The following ALX4 variants were observed in gnomAD, a reference collection of about 807,000 sequenced individuals.
The protein encoded by ALX4 is ALX homeobox 4.
Under a neutral mutation model 40.6 loss-of-function variants are expected in ALX4, and 22 were observed. That is an observed-to-expected ratio of 0.54 (90% CI 0.39 to 0.77). The LOEUF (loss-of-function observed/expected upper bound fraction) is 0.77, where lower values mean the gene tolerates loss of function less well. Ranked by LOEUF, ALX4 falls within the 30% of genes least tolerant of loss-of-function variation. The pLI, the probability that ALX4 is intolerant of heterozygous loss-of-function variation, is 0.00. For synonymous variants in ALX4, 266 were observed against 240.5 expected, an observed-to-expected ratio of 1.11 and a Z score of -0.98; for missense variants, 556 against 564.8, an observed-to-expected ratio of 0.98 and a Z score of 0.16.
In ALX4 at chr11:44,272,776, T is replaced by A. The variant is rs377652558; in HGVS notation, c.777+2572A>T. 5.2e-3 allele frequency among the ~76,000 whole-genome samples: 798 copies of A among 152,048 alleles called. 18 individuals carry two copies. In the South Asian group the frequency reaches 0.089, roughly 17 times the overall value. ...GTGAGCCAAGATCACACCACTGCAC[T>A]CCAACCTGGGTGACACAGTGAGATC... On this transcript the variant is annotated intron_variant, in intron 2 of 3. Coordinates refer to ENST00000652299, the MANE Select transcript of ALX4 (RefSeq NM_021926.4).
At chr11:44,295,493 T>G (rs1261738607) in intron 1 of ALX4, among the ~76,000 whole-genome samples, 2 of 152,234 alleles carry the variant, frequency 1.3e-5, no homozygotes, top group African/African-American at 4.8e-5. Context: ...GGGAAGTTCC[T>G]AGGAAGGGGA....
At chr11:44,291,060 G>A (rs1395675330) in intron 1 of ALX4, among the ~76,000 whole-genome samples, 4 of 152,118 alleles carry the variant, frequency 2.6e-5, no homozygotes, top group South Asian at 2.1e-4. Context: ...TTTCCCGAGC[G>A]GCAGCTCCCA....
At chr11:44,275,263 G>A in intron 2 of ALX4, 85 bp downstream of exon 2, 1 of 1,372,320 alleles carries the variant, frequency 7.3e-7, no homozygotes. Context: ...GTGGTTGGTG[G>A]GCAGTCAGGA....
chr11:44,276,670 G>A lies in ALX4; in HGVS notation c.467-1012C>T, dbSNP rs977523885. Among the ~76,000 whole-genome samples, 11 of 152,174 alleles carry A rather than the reference G, an allele frequency of 7.2e-5. No homozygotes were observed. In the East Asian group the frequency reaches 1.3e-3, roughly 19 times the overall value. On this transcript the variant is annotated intron_variant, in intron 1 of 3. Transcript: ENST00000652299. ...ACAGTCCCTACCTTTTTGGCACCAG[G>A]GACTGGTTTTGTGGAAGATAATTTT...
chr11:44,302,819 C>T (rs1253968660), intron 1 of ALX4, among the ~76,000 whole-genome samples: 2 of 152,160 alleles, frequency 1.3e-5, no homozygotes, highest in Non-Finnish European at 2.9e-5. Flanking sequence ...CCCACCTTAC[C>T]CCAGTTTCTC....
intron 1 of ALX4, among the ~76,000 whole-genome samples, chr11:44,308,709 G>A (rs1210674018): frequency 6.6e-6 from 1 of 152,240 alleles, no homozygotes; most frequent in African/African-American, 2.4e-5. Context: ...GCAGCTTGGA[G>A]GTCATTTAGG....
intron 2 of ALX4, among the ~76,000 whole-genome samples, chr11:44,268,654 G>A (rs1008317376): frequency 1.3e-5 from 2 of 152,206 alleles, no homozygotes; most frequent in Non-Finnish European, 2.9e-5. Flanking sequence ...TCAAGAGCAA[G>A]AGCTGCCCTA....
At chr11:44,286,675 A>G (rs907882635) in intron 1 of ALX4, among the ~76,000 whole-genome samples, 5 of 152,168 alleles carry the variant, frequency 3.3e-5, no homozygotes, top group African/African-American at 9.7e-5. Context: ...AGGGACAAAG[A>G]GATGGATGGG....
At chr11:44,285,889 T>C (rs1956335943) in intron 1 of ALX4, among the ~76,000 whole-genome samples, 1 of 152,018 alleles carries the variant, frequency 6.6e-6, no homozygotes, top group East Asian at 1.9e-4. Context: ...CTGGTCAGAG[T>C]GGGCCTCCCA....
intron 1 of ALX4, among the ~76,000 whole-genome samples, chr11:44,285,494 A>G (rs980432899): frequency 6.6e-6 from 1 of 152,226 alleles, no homozygotes. Context: ...AGCTCCAAGA[A>G]CTAGAAATAT....
chr11:44,276,886 T>C (rs544217266), intron 1 of ALX4, among the ~76,000 whole-genome samples: 71 of 152,260 alleles, frequency 4.7e-4, no homozygotes, highest in African/African-American at 1.6e-3. Flanking sequence ...GAACTTGCAG[T>C]AATGCTTGCT....
In ALX4 at chr11:44,262,362, C is replaced by G. The variant is rs1020935452; in HGVS notation, c.*2492G>C. Reference sequence around the variant, plus strand: ...GCCTGGGGTACGTGGCTGCCTTTGACGAGATGAACAGGAATGTTTCACATT... The same window carrying G: ...GCCTGGGGTACGTGGCTGCCTTTGAGGAGATGAACAGGAATGTTTCACATT... On this transcript the variant is annotated 3_prime_UTR_variant, in exon 4 of 4. Transcript: ENST00000652299. The G allele has an allele frequency of 2.6e-5, 4 of 152,298 alleles. No individual in the cohort carries two copies. The highest frequency in any genetic ancestry group is 2.6e-4 in the Admixed American group (4 of 15,288). The allele number at this position is 152,298 out of a possible 1,614,324, so 9.4% of individuals were successfully genotyped here.
At chr11:44,279,019 T>G (rs1041685517) in intron 1 of ALX4, among the ~76,000 whole-genome samples, 2 of 152,164 alleles carry the variant, frequency 1.3e-5, no homozygotes, top group African/African-American at 4.8e-5. Flanking sequence ...GCAGCTCCAC[T>G]CAACTGGTCA....
At chr11:44,269,689 C>T (rs541865845) in intron 2 of ALX4, among the ~76,000 whole-genome samples, 2 of 152,196 alleles carry the variant, frequency 1.3e-5, no homozygotes, top group East Asian at 1.9e-4. Flanking sequence ...AGGGTCCAGG[C>T]CCTGGCTGCC....
At chr11:44,275,718 T>C (rs1565001728) in intron 1 of ALX4, 60 bp from the exon 2 acceptor site, 2 of 1,544,848 alleles carry the variant, frequency 1.3e-6, no homozygotes, top group Non-Finnish European at 1.8e-6. Flanking sequence ...AGAAGGGGAA[T>C]GTCAGGGGGA....
In ALX4 at chr11:44,290,067, A is replaced by ACCTCCTGCATCCAG. The variant is rs1461582852; in HGVS notation, c.467-14423_467-14410dup. ...GGAAGGGCCAGGACTTGAACCCTGCACCTCCTGCATCCAGCCCTGTGGTCT... is the reference window on the plus strand; with the variant it reads ...GGAAGGGCCAGGACTTGAACCCTGCACCTCCTGCATCCAGCCTCCTGCATCCAGCCCTGTGGTCT... On this transcript the variant is annotated intron_variant, in intron 1 of 3. Transcript: ENST00000652299. Among the ~76,000 whole-genome samples the ACCTCCTGCATCCAG allele has an allele frequency of 7.9e-5, 12 of 152,252 alleles. 1 individual carries two copies. In the East Asian group the frequency reaches 2.1e-3, roughly 27 times the overall value.
chr11:44,302,084 T>C (rs1318280416), intron 1 of ALX4, among the ~76,000 whole-genome samples: 2 of 152,240 alleles, frequency 1.3e-5, no homozygotes, highest in South Asian at 2.1e-4. Flanking sequence ...CCACAGGCCA[T>C]GATGCAAGGG....
At position 44,287,346 on chromosome 11, in the gene ALX4, A is replaced by C. The variant is rs1038016262; in HGVS notation, c.467-11688T>G. 2.0e-5 allele frequency among the ~76,000 whole-genome samples: 3 copies of C among 152,210 alleles called. No homozygotes were observed. The South Asian group carries it at 6.2e-4, about 32-fold the overall frequency. Reference sequence around the variant, plus strand: ...CCAGGAACTGGGCTTTGTACTTTACAAAGTACTAGGGCATCTATTATGCCA... The same window carrying C: ...CCAGGAACTGGGCTTTGTACTTTACCAAGTACTAGGGCATCTATTATGCCA... On this transcript the variant is annotated intron_variant, in intron 1 of 3. Transcript: ENST00000652299.
chr11:44,283,270 C>T (rs939958898), intron 1 of ALX4, among the ~76,000 whole-genome samples: 2 of 149,778 alleles, frequency 1.3e-5, no homozygotes, highest in Non-Finnish European at 3.0e-5. Flanking sequence ...AAAAAATTTA[C>T]AGCATGTTGT....
Sources: gnomAD v4.1 joint callset for allele counts (sites outside exome capture counted in the v4.1 genomes callset) on GRCh38, gnomAD v4.1.1 for gene constraint, MANE v1.5 for transcripts, NCBI Gene and HGNC (gene_info 2026-07-23, HGNC 2026-07-21) for gene names.